C1D: variants seen among roughly 807,000 people sequenced by gnomAD.
C1D encodes the protein nuclear nucleic acid-binding protein C1D.
In C1D, 10 loss-of-function variants were observed where a neutral mutation model predicts 17.5. The observed-to-expected ratio is 0.57, with a 90% CI of 0.35 to 0.97. The LOEUF (loss-of-function observed/expected upper bound fraction) is 0.97. Ranked by LOEUF, C1D falls within the 50% of genes least tolerant of loss-of-function variation. C1D has a pLI of 0.01. For missense variants in C1D, 136 were observed against 160.1 expected (o/e 0.85, Z 0.81); for synonymous variants, 49 against 54.0 (o/e 0.91, Z 0.40).
At chr2:68,045,836 G>T (rs1040977499) in intron 4 of C1D, 152 bp downstream of exon 4, 6 of 541,182 alleles carry the variant, frequency 1.1e-5, no homozygotes, top group Non-Finnish European at 2.0e-5. Flanking sequence ...AAAAAGGTAA[G>T]AGAAAAAAAA....
intron 1 of C1D, among the ~76,000 whole-genome samples, chr2:68,057,639 G>T (rs1671476928): frequency 6.6e-6 from 1 of 152,038 alleles, no homozygotes; most frequent in Non-Finnish European, 1.5e-5. Flanking sequence ...AATTTTTAAA[G>T]AATAAAATAT....
At chr2:68,060,971 G>T (rs532801117) in intron 1 of C1D, among the ~76,000 whole-genome samples, 1 of 152,234 alleles carries the variant, frequency 6.6e-6, no homozygotes, top group Admixed American at 6.5e-5. Context: ...CTTAATATCA[G>T]ATTACAGTTT....
chr2:68,042,979 A>C lies in C1D; in HGVS notation c.336T>G (p.Gly112=). 1 of 1,610,912 alleles carries C rather than the reference A, an allele frequency of 6.2e-7. No individual in the cohort carries two copies. The highest frequency in any genetic ancestry group is 8.5e-7 in the Non-Finnish European group (1 of 1,178,024). ...DKKKAGKLDR[G]AASRFVKNAL... ...CATTTTTTACAAATCTTGAAGCTGC[A>C]CCTCTGTCCAGCTTGCCAGCCTTTT... Residue 112 remains glycine (G), a synonymous_variant, in exon 5 of 5, where the codon GGT becomes GGG. Transcript: ENST00000410067.
At chr2:68,052,916 C>A in intron 1 of C1D, 1 of 1,125,884 alleles carries the variant, frequency 8.9e-7, no homozygotes, top group Non-Finnish European at 1.2e-6. Flanking sequence ...TTGAATAGCA[C>A]TGATTATGTG....
chr2:68,059,452 C>A (rs936463054), intron 1 of C1D, among the ~76,000 whole-genome samples: 17 of 152,196 alleles, frequency 1.1e-4, no homozygotes, highest in African/African-American at 3.9e-4. Flanking sequence ...GCTCCCTCCT[C>A]TATAAAGGTG....
chr2:68,052,152 G>C (rs1017565604), intron 1 of C1D, among the ~76,000 whole-genome samples: 1 of 151,734 alleles, frequency 6.6e-6, no homozygotes, highest in South Asian at 2.1e-4. Context: ...AAAAGTCAGA[G>C]AACAGAGAAC....
At chr2:68,056,178 A>G (rs914721283) in intron 1 of C1D, among the ~76,000 whole-genome samples, 1 of 152,244 alleles carries the variant, frequency 6.6e-6, no homozygotes, top group Non-Finnish European at 1.5e-5. Flanking sequence ...GCTGGAGTGC[A>G]GTGGCTCAAT....
chr2:68,061,923 C>A (rs1347866709), intron 1 of C1D, among the ~76,000 whole-genome samples: 1 of 152,226 alleles, frequency 6.6e-6, no homozygotes, highest in Non-Finnish European at 1.5e-5. Flanking sequence ...AACCGTTATT[C>A]ACACTTGTCA....
chr2:68,043,126 C>T (rs10207196), intron 4 of C1D, 73 bp from the exon 5 acceptor site: 208,918 of 1,145,922 alleles, frequency 0.18, 21,933 homozygotes, highest in African/African-American at 0.37. Flanking sequence ...ATACTGTACA[C>T]CTTGGTTAAA....
At chr2:68,062,779 G>C (rs1376589202) in intron 1 of C1D, among the ~76,000 whole-genome samples, 179 bp downstream of exon 1, 2 of 152,132 alleles carry the variant, frequency 1.3e-5, no homozygotes, top group Non-Finnish European at 2.9e-5. Flanking sequence ...CGGAAGTGGG[G>C]GACCTGCCAA....
intron 2 of C1D, 116 bp from the exon 3 acceptor site, chr2:68,046,526 G>T (rs1352593091): frequency 4.5e-6 from 3 of 663,128 alleles, no homozygotes; most frequent in Admixed American, 3.2e-5. Flanking sequence ...TATCAAAGAA[G>T]TTTTTTTCAC....
rs1238836891 is a variant in C1D at position 68,042,994 on chromosome 2, G to A, written c.321C>T (p.Gly107=). 1 of 1,610,574 alleles carries A rather than the reference G, an allele frequency of 6.2e-7. No individual in the cohort carries two copies. The highest frequency in any genetic ancestry group is 1.3e-5 in the African/African-American group (1 of 74,506). The change falls in exon 5 of 5, where the codon GGC becomes GGT. Residue 107 remains glycine, a synonymous_variant. Coordinates refer to ENST00000410067, the MANE Select transcript of C1D (RefSeq NM_173177.3). The part of the protein sequence containing the change: ...VKEITDKKKA[G]KLDRGAASRF... ...TTGAAGCTGCACCTCTGTCCAGCTT[G>A]CCAGCCTTTTTCTTGTCTGTTATTT...
intron 1 of C1D, among the ~76,000 whole-genome samples, chr2:68,060,301 C>G (rs1671582509): frequency 6.6e-6 from 1 of 152,196 alleles, no homozygotes; most frequent in South Asian, 2.1e-4. Flanking sequence ...CTACCCCACC[C>G]CACAGCAAAC....
intron 2 of C1D, 135 bp downstream of exon 2, chr2:68,047,038 A>G: frequency 1.4e-6 from 1 of 719,996 alleles, no homozygotes; most frequent in South Asian, 3.4e-5. Flanking sequence ...CCCTAAAAAT[A>G]CCCAAACACT....
Position 68,042,085 on chromosome 2 carries a change from G to A in C1D, c.*804C>T, listed in dbSNP as rs1670970930. On this transcript the variant is annotated 3_prime_UTR_variant, in exon 5 of 5. Transcript: ENST00000410067. ...GAAAAAAAATGAGATGAAAAGAACT[G>A]TGGACACCATGCATCAGGAACAAAA... 1 of 151,900 alleles carries A rather than the reference G, an allele frequency of 6.6e-6. No homozygotes were observed. The highest frequency in any genetic ancestry group is 1.5e-5 in the Non-Finnish European group (1 of 67,882). 9.4% of individuals were successfully genotyped at this position (151,900 alleles called of 1,614,324 possible).
At position 68,041,412 on chromosome 2, in the gene C1D, C is replaced by G. The variant is rs1013084246; in HGVS notation, c.*1477G>C. On this transcript the variant is annotated 3_prime_UTR_variant, in exon 5 of 5. Coordinates refer to ENST00000410067, the MANE Select transcript of C1D (RefSeq NM_173177.3). Reference sequence around the variant, plus strand: ...ATAAATTTCTTTGCAATAAATAACACAAAGACAGGTACACTACACTTGATC... The same window carrying G: ...ATAAATTTCTTTGCAATAAATAACAGAAAGACAGGTACACTACACTTGATC... 3.3e-5 allele frequency: 5 copies of G among 152,006 alleles called. No individual in the cohort carries two copies. Among genetic ancestry groups the G allele is most frequent in the African/African-American group, 4.8e-5 (2 of 41,516 alleles). 9.4% of individuals were successfully genotyped at this position (152,006 alleles called of 1,614,324 possible). A position where few individuals can be genotyped will look rare whatever the true frequency, so the allele number is the denominator to read the frequency against.
intron 1 of C1D, among the ~76,000 whole-genome samples, chr2:68,051,072 A>G (rs965606443): frequency 5.3e-5 from 8 of 152,242 alleles, no homozygotes; most frequent in African/African-American, 1.9e-4. Flanking sequence ...GGTCCAAACC[A>G]TGCCTGAATG....
chr2:68,047,595 G>A (rs1671166794), intron 1 of C1D, among the ~76,000 whole-genome samples: 1 of 152,080 alleles, frequency 6.6e-6, no homozygotes, highest in African/African-American at 2.4e-5. Flanking sequence ...GTTTTGAGAT[G>A]GGGTCTCCCT....
intron 2 of C1D, 28 bp from the exon 3 acceptor site, chr2:68,046,438 G>T: frequency 7.0e-7 from 1 of 1,431,720 alleles, no homozygotes; most frequent in African/African-American, 1.4e-5. Flanking sequence ...GAGAGGGAAA[G>T]AGAGAAAGTG....
Sources: allele counts gnomAD v4.1 joint callset (sites outside exome capture counted in the v4.1 genomes callset), GRCh38; gene constraint gnomAD v4.1.1; transcripts MANE v1.5; gene names NCBI Gene and HGNC (gene_info 2026-07-23, HGNC 2026-07-21).